The following ECE1 variants were observed in gnomAD, a reference collection of about 807,000 sequenced individuals.
ECE1 encodes the protein endothelin-converting enzyme 1.
ECE1 carries 35 observed loss-of-function variants against 98.6 expected under a neutral mutation model. That is an observed-to-expected ratio of 0.35 (90% CI 0.27 to 0.47). ECE1 has a LOEUF of 0.47. ECE1 is among the 20% of genes least tolerant of loss of function. The pLI, the probability that ECE1 is intolerant of heterozygous loss-of-function variation, is 1.00. For synonymous variants in ECE1, 394 were observed against 407.1 expected (o/e 0.97, Z 0.39); for missense variants, 814 against 1,025.3 (o/e 0.79, Z 2.81).
In ECE1 at chr1:21,225,446, G is replaced by A; in HGVS notation, c.1850-6C>T. ...GTCCTTGTCATACTCCCGTCCTGTGGGTCAGAGGGAGGCGTCATGTCAAGG... is the reference window on the plus strand; with the variant it reads ...GTCCTTGTCATACTCCCGTCCTGTGAGTCAGAGGGAGGCGTCATGTCAAGG... On this transcript the variant is annotated splice_region_variant and splice_polypyrimidine_tract_variant and intron_variant, in intron 16 of 18. Coordinates refer to ENST00000374893, the MANE Select transcript of ECE1 (RefSeq NM_001397.3). This position sits in a 1 kb window ranked among gnomAD's most constrained non-coding sequence, Gnocchi z 5.3. The A allele has an allele frequency of 6.2e-7, 1 of 1,613,802 alleles. No homozygotes were observed. The highest frequency in any genetic ancestry group is 8.5e-7 in the Non-Finnish European group (1 of 1,179,904).
intron 1 of ECE1, among the ~76,000 whole-genome samples, chr1:21,333,587 C>T (rs1639249807): frequency 6.6e-6 from 1 of 152,208 alleles, no homozygotes; most frequent in Admixed American, 6.5e-5. Flanking sequence ...ATCCCAACTT[C>T]TTTGGGAGGC....
chr1:21,227,130 G>C (rs771210388), intron 16 of ECE1, 29 bp downstream of exon 16: 1 of 1,611,006 alleles, frequency 6.2e-7, no homozygotes, highest in African/African-American at 1.3e-5. Flanking sequence ...TTACAGGCAT[G>C]AGCCATCGTG....
chr1:21,279,567 C>A, intron 2 of ECE1: 1 of 1,442,766 alleles, frequency 6.9e-7, no homozygotes, highest in South Asian at 1.5e-5. Flanking sequence ...TCGGCCCCGA[C>A]AGGCTTGTTT....
At chr1:21,273,113 C>G (rs1569598838) in intron 3 of ECE1, among the ~76,000 whole-genome samples, 1 of 152,368 alleles carries the variant, frequency 6.6e-6, no homozygotes, top group African/African-American at 2.4e-5. Context: ...GTCTAAAATC[C>G]TTCCTGTGGC....
rs1639480939 is a variant in ECE1, at chr1:21,345,460, C to G, written c.-82G>C. The G allele has an allele frequency of 3.5e-5, 42 of 1,215,320 alleles. No homozygotes were observed. The highest frequency in any genetic ancestry group is 4.4e-5 in the Non-Finnish European group (42 of 956,348). The allele number at this position is 1,215,320 out of a possible 1,614,324, so 75.3% of individuals were successfully genotyped here. ...CAGCTCCGGGTTCCCTGCTCCCAGC[C>G]CAGCTGCTCGGACGGCTCGGCTGCC... is the stretch of plus-strand genomic sequence containing the variant. On this transcript the variant is annotated 5_prime_UTR_variant, in exon 1 of 19. Transcript: ENST00000415912. This position sits in a 1 kb window ranked among gnomAD's most constrained non-coding sequence, Gnocchi z 5.1.
At chr1:21,324,171 T>C (rs213024) in intron 1 of ECE1, among the ~76,000 whole-genome samples, 70,737 of 151,852 alleles carry the variant, frequency 0.47, 17,418 homozygotes, top group African/African-American at 0.64. Context: ...CAAGCTGGAG[T>C]GCGGCCTTGA....
At chr1:21,311,615 G>T (rs1179812940) in intron 1 of ECE1, among the ~76,000 whole-genome samples, 1 of 151,352 alleles carries the variant, frequency 6.6e-6, no homozygotes, top group Non-Finnish European at 1.5e-5. Flanking sequence ...AGGAGTTCAA[G>T]ATCAGCCTGG....
chr1:21,286,070 T>A (rs1042233386), intron 2 of ECE1, among the ~76,000 whole-genome samples: 1 of 152,060 alleles, frequency 6.6e-6, no homozygotes, highest in African/African-American at 2.4e-5. Flanking sequence ...ACTAAGAATT[T>A]AATATCTCAC....
Position 21,258,695 on chromosome 1 carries a change from G to A in ECE1, c.760C>T (p.Gln254Ter). The stretch of plus-strand genomic sequence containing the variant: ...GCTGCAGGTTCAAGCTAGCTCACCT[G>A]GATCACGTTGCTGTTGGAGTTCTTG... ...DSKNSNSNVIQVDQSGLGLPS... is the reference protein window; with the variant it reads ...DSKNSNSNVI Residue 254 changes from glutamine (Q) to a stop codon, truncating the protein, a stop_gained and splice_region_variant, in exon 6 of 19, where the codon CAG (glutamine) becomes TAG (stop). Transcript: ENST00000374893. LOFTEE classifies it high-confidence loss of function. This position sits in a 1 kb window ranked among gnomAD's most constrained non-coding sequence, Gnocchi z 4.2. 1 of 1,614,152 alleles carries A rather than the reference G, an allele frequency of 6.2e-7. No individual in the cohort carries two copies. The highest frequency in any genetic ancestry group is 8.5e-7 in the Non-Finnish European group (1 of 1,180,024).
At chr1:21,241,358 A>G (rs2098196017) in intron 10 of ECE1, among the ~76,000 whole-genome samples, 1 of 151,646 alleles carries the variant, frequency 6.6e-6, no homozygotes, top group Non-Finnish European at 1.5e-5. Flanking sequence ...CAGATAAAAA[A>G]CTGTGGCACA....
In ECE1 at chr1:21,260,950, A is replaced by T. The variant is rs1424945157; in HGVS notation, c.494-558T>A. 6.6e-6 allele frequency among the ~76,000 whole-genome samples: 1 copy of T among 152,226 alleles called. No homozygotes were observed. The highest frequency in any genetic ancestry group is 1.5e-5 in the Non-Finnish European group (1 of 68,042). Reference sequence around the variant, plus strand: ...TCCACCGCCCTTGCCAACTCCAGCAAGCAGCATCTCCCTCCTGCAGTGGCT... The same window carrying T: ...TCCACCGCCCTTGCCAACTCCAGCATGCAGCATCTCCCTCCTGCAGTGGCT... On this transcript the variant is annotated intron_variant, in intron 4 of 18. Coordinates refer to ENST00000374893, the MANE Select transcript of ECE1 (RefSeq NM_001397.3). This position sits in a 1 kb window ranked among gnomAD's most constrained non-coding sequence, Gnocchi z 4.3.
chr1:21,309,471 C>T (rs1308029615), intron 1 of ECE1, among the ~76,000 whole-genome samples: 2 of 152,154 alleles, frequency 1.3e-5, no homozygotes, highest in Non-Finnish European at 2.9e-5. Flanking sequence ...ATGCAGTGAG[C>T]GCTGGCTTGG....
At chr1:21,264,086 G>A (rs1341301681) in intron 4 of ECE1, among the ~76,000 whole-genome samples, 1 of 152,132 alleles carries the variant, frequency 6.6e-6, no homozygotes, top group Non-Finnish European at 1.5e-5. Context: ...AGTTTCTTTG[G>A]CCTGAGTGAG....
At chr1:21,341,570 T>A (rs1030329632) in intron 1 of ECE1, among the ~76,000 whole-genome samples, 5 of 152,184 alleles carry the variant, frequency 3.3e-5, no homozygotes, top group Admixed American at 6.5e-5. Flanking sequence ...CCTCCCCAAC[T>A]CTGCAGGGAA....
rs75517147 is a variant in ECE1 at position 21,285,329 on chromosome 1, T to C, written c.138+4741A>G. Among the ~76,000 whole-genome samples, 607 of 152,254 alleles carry C rather than the reference T, an allele frequency of 4.0e-3. 6 individuals carry two copies. The highest frequency in any genetic ancestry group is 0.014 in the African/African-American group (569 of 41,542). On this transcript the variant is annotated intron_variant, in intron 2 of 18. Transcript: ENST00000374893. Reference sequence around the variant, plus strand: ...GATGGTAACCCTGAGAAGTCAAATATCCCACTGTGTGTTGCTGGGCAGTCT... The same window carrying C: ...GATGGTAACCCTGAGAAGTCAAATACCCCACTGTGTGTTGCTGGGCAGTCT...
chr1:21,239,194 T>A (rs868761756), intron 10 of ECE1, among the ~76,000 whole-genome samples: 1 of 152,110 alleles, frequency 6.6e-6, no homozygotes. Context: ...CAACAGTCCA[T>A]ACAACCCCTC....
At chr1:21,223,242 G>GGA in intron 17 of ECE1, among the ~76,000 whole-genome samples, 1 of 151,856 alleles carries the variant, frequency 6.6e-6, no homozygotes, top group Non-Finnish European at 1.5e-5. Flanking sequence ...CAAAGTGCTG[G>GGA]GATTACAAGC....
At chr1:21,249,527 C>T (rs1172029907) in intron 8 of ECE1, among the ~76,000 whole-genome samples, 3 of 122,108 alleles carry the variant, frequency 2.5e-5, no homozygotes, top group African/African-American at 9.2e-5. Context: ...GACACCCCAT[C>T]TTTACAAAAA....
At chr1:21,239,658 C>A (rs572621246) in intron 10 of ECE1, among the ~76,000 whole-genome samples, 204 of 152,320 alleles carry the variant, frequency 1.3e-3, no homozygotes, top group Non-Finnish European at 2.4e-3. Flanking sequence ...CCCAGCTGCA[C>A]CAGCCTTGGG....
Sources: allele counts gnomAD v4.1 joint callset (sites outside exome capture counted in the v4.1 genomes callset), GRCh38; gene constraint gnomAD v4.1.1; non-coding constraint Gnocchi (gnomAD v3.1); transcripts MANE v1.5; gene names NCBI Gene and HGNC (gene_info 2026-07-23, HGNC 2026-07-21).